Variants in GSN observed in about 807,000 individuals in gnomAD.
GSN encodes the protein gelsolin.
A neutral mutation model predicts 85.7 loss-of-function variants in GSN; 56 were observed. The ratio of observed to expected loss-of-function variants is 0.65; its 90% CI spans 0.53 to 0.82. The LOEUF (loss-of-function observed/expected upper bound fraction) is 0.82. Ranked by LOEUF, GSN falls within the 40% of genes least tolerant of loss-of-function variation. The pLI is 0.00. For missense variants in GSN, 857 were observed against 979.8 expected, an observed-to-expected ratio of 0.87 and a Z score of 1.67; for synonymous variants, 373 against 399.1, an observed-to-expected ratio of 0.93 and a Z score of 0.78.
intron 2 of GSN, among the ~76,000 whole-genome samples, chr9:121,290,046 T>C (rs1489029161): frequency 1.3e-5 from 2 of 151,410 alleles, no homozygotes; most frequent in Non-Finnish European, 2.9e-5. Flanking sequence ...GGGTATAAAG[T>C]GGAGAGGAGA....
chr9:121,251,076 G>A (rs578252330), intron 6 of GSN, among the ~76,000 whole-genome samples: 12 of 151,022 alleles, frequency 7.9e-5, no homozygotes, highest in African/African-American at 2.9e-4. Context: ...TCCTCCTGCC[G>A]CGGCATCCCA....
chr9:121,326,067 C>T (rs763231112), intron 12 of GSN, among the ~76,000 whole-genome samples: 2 of 150,804 alleles, frequency 1.3e-5, no homozygotes, highest in Non-Finnish European at 3.0e-5. Context: ...TGACTGCTGC[C>T]CGCATCTGGG....
intron 4 of GSN, among the ~76,000 whole-genome samples, chr9:121,211,270 G>A (rs1356644056): frequency 1.3e-5 from 2 of 152,154 alleles, no homozygotes; most frequent in South Asian, 2.1e-4. Context: ...CAATGTGAAT[G>A]TACTTAGTGC....
At chr9:121,207,760 CTCTT>C (rs2053905717), upstream of GSN, 1 of 39,038 alleles carries the variant, frequency 2.6e-5, no homozygotes, top group Non-Finnish European at 4.7e-5. Flanking sequence ...CTTAACTTCT[CTCTT>C]TTTTTTTTTT....
rs1252750216 is a variant in GSN at position 121,329,822 on chromosome 9, T to G, written c.1965+507T>G. Among the ~76,000 whole-genome samples, 1 of 152,188 alleles carries G rather than the reference T, an allele frequency of 6.6e-6. No homozygotes were observed. The highest frequency in any genetic ancestry group is 2.4e-5 in the African/African-American group (1 of 41,438). On this transcript the variant is annotated intron_variant, in intron 16 of 17. Transcript: ENST00000432226. The surrounding 1 kb of genome is among the most constrained non-coding windows in gnomAD (Gnocchi z 4.6). ...ATTCACTTACTCAACCAATATTAAT[T>G]GGGCACTGCTTTGTGCCAGGTGCTT...
chr9:121,231,128 G>C (rs544131140), intron 4 of GSN: 1 of 152,312 alleles, frequency 6.6e-6, no homozygotes, highest in Non-Finnish European at 1.5e-5. Context: ...GATTCCATCA[G>C]GCACTCTCTG....
At chr9:121,263,670 C>A (rs2055134233), upstream of GSN, among the ~76,000 whole-genome samples, 1 of 152,042 alleles carries the variant, frequency 6.6e-6, no homozygotes, top group Non-Finnish European at 1.5e-5. Flanking sequence ...GCAGGTGGAT[C>A]ACCTGAGGTC....
chr9:121,258,324 G>A (rs144794518), intron 6 of GSN, among the ~76,000 whole-genome samples: 4,068 of 152,284 alleles, frequency 0.027, 195 homozygotes, highest in African/African-American at 0.093. Context: ...TTAGCTGGGC[G>A]TGGTGGTGTG....
At chr9:121,292,550 C>T (rs1237087742) in intron 2 of GSN, among the ~76,000 whole-genome samples, 1 of 152,178 alleles carries the variant, frequency 6.6e-6, no homozygotes, top group Non-Finnish European at 1.5e-5. Flanking sequence ...AAACACAGTG[C>T]CAGGGCTCCT....
rs372218880 is a variant in GSN, at chr9:121,318,848, G to A, written c.1159G>A (p.Gly387Ser). Reference sequence around the variant, plus strand: ...CTCCACTGCCATGGCCGCCCAGCACGGCATGGATGACGATGGCACAGGCCA... The same window carrying A: ...CTCCACTGCCATGGCCGCCCAGCACAGCATGGATGACGATGGCACAGGCCA... ...HTSTAMAAQH[G>S]MDDDGTGQKQ... The change falls in exon 10 of 18, where the codon GGC becomes AGC. Residue 387 changes from glycine to serine, a missense_variant. Gly to Ser is a moderately conservative substitution (Grantham distance 56). Coordinates refer to ENST00000432226, the MANE Select transcript of GSN (RefSeq NM_198252.3). The surrounding 1 kb of genome is among the most constrained non-coding windows in gnomAD (Gnocchi z 4.3). 41 of 1,613,932 alleles carry A rather than the reference G, an allele frequency of 2.5e-5. No homozygotes were observed. Among genetic ancestry groups the A allele is most frequent in the Middle Eastern group, 1.6e-4 (1 of 6,084 alleles).
In GSN at chr9:121,299,789, G is replaced by A. The variant is rs1014654906; in HGVS notation, c.-9-2174G>A. On this transcript the variant is annotated intron_variant, in intron 2 of 17. Transcript: ENST00000432226. This position sits in a 1 kb window ranked among gnomAD's most constrained non-coding sequence, Gnocchi z 4.2. The stretch of plus-strand genomic sequence containing the variant: ...GGGCGGTCCCCGGCTTGGGCGGGAT[G>A]GGCGGGCGGCTACTTAAGGTCGGCG... The A allele has an allele frequency of 1.2e-5, 15 of 1,244,148 alleles. No individual in the cohort carries two copies. Among genetic ancestry groups the A allele is most frequent in the South Asian group, 2.1e-5 (1 of 47,054 alleles). The allele number at this position is 1,244,148 out of a possible 1,614,324, so 77.1% of individuals were successfully genotyped here. A position where few individuals can be genotyped will look rare whatever the true frequency, so the allele number is the denominator to read the frequency against.
At chr9:121,305,512 T>C (rs1235976494) in intron 4 of GSN, among the ~76,000 whole-genome samples, 1 of 152,202 alleles carries the variant, frequency 6.6e-6, no homozygotes, top group Non-Finnish European at 1.5e-5. Context: ...ACACAGCTAG[T>C]AAGTGATTGG....
chr9:121,238,248 G>C (rs948973079), intron 5 of GSN: 3 of 152,708 alleles, frequency 2.0e-5, no homozygotes, highest in Non-Finnish European at 4.4e-5. Context: ...GCCAAAGGAT[G>C]TTAACATTTG....
chr9:121,325,773 C>T (rs933001961), intron 12 of GSN, among the ~76,000 whole-genome samples: 5 of 152,086 alleles, frequency 3.3e-5, no homozygotes, highest in African/African-American at 1.2e-4. Context: ...TCAGTGCATC[C>T]TGACAACAGC....
intron 5 of GSN, among the ~76,000 whole-genome samples, chr9:121,246,470 T>C (rs757018210): frequency 6.1e-4 from 93 of 152,186 alleles, no homozygotes; most frequent in Non-Finnish European, 1.3e-3. Flanking sequence ...TGGACACAAA[T>C]ATTGAAACTA....
At chr9:121,268,464 C>T (rs2055393371) in intron 1 of GSN, among the ~76,000 whole-genome samples, 1 of 152,028 alleles carries the variant, frequency 6.6e-6, no homozygotes, top group African/African-American at 2.4e-5. Flanking sequence ...AGGCCTCCAC[C>T]CCGTGATTCC....
chr9:121,293,863 C>T (rs2058946045), intron 2 of GSN, among the ~76,000 whole-genome samples: 1 of 152,158 alleles, frequency 6.6e-6, no homozygotes, highest in Admixed American at 6.5e-5. Flanking sequence ...CCCAAATGTT[C>T]TTTACCTTAT....
chr9:121,321,076 G>A (rs577859277), intron 10 of GSN, among the ~76,000 whole-genome samples, 192 bp from the exon 11 acceptor site: 2 of 152,344 alleles, frequency 1.3e-5, no homozygotes, highest in African/African-American at 4.8e-5. Flanking sequence ...CAGGAACCCT[G>A]ACCCAGAGTC....
chr9:121,238,916 T>C (rs1036897685), intron 5 of GSN: 3 of 537,450 alleles, frequency 5.6e-6, no homozygotes, highest in Non-Finnish European at 1.1e-5. Flanking sequence ...TGATTCTTCC[T>C]GGTCATCCCT....
Sources: allele counts gnomAD v4.1 joint callset (sites outside exome capture counted in the v4.1 genomes callset), GRCh38; gene constraint gnomAD v4.1.1; non-coding constraint Gnocchi (gnomAD v3.1); transcripts MANE v1.5; gene names NCBI Gene and HGNC (gene_info 2026-07-23, HGNC 2026-07-21).